CTNNA3: variants seen among roughly 807,000 people sequenced by gnomAD.
The protein encoded by CTNNA3 is catenin alpha-3.
Under a neutral mutation model 95.7 loss-of-function variants are expected in CTNNA3, and 76 were observed. The observed-to-expected ratio is 0.79, with a 90% CI of 0.66 to 0.96. CTNNA3 has a LOEUF of 0.96. Ranked by LOEUF, CTNNA3 falls within the 40% of genes least tolerant of loss-of-function variation. The pLI is 0.00. For missense variants in CTNNA3, 1,191 were observed against 1,089.8 expected (o/e 1.09, Z -1.31); for synonymous variants, 431 against 374.4 (o/e 1.15, Z -1.74).
intron 13 of CTNNA3, among the ~76,000 whole-genome samples, chr10:66,215,072 A>G: frequency 6.6e-6 from 1 of 152,092 alleles, no homozygotes; most frequent in East Asian, 1.9e-4. Flanking sequence ...AAAAAGGAAG[A>G]CTTGATTTCA....
At chr10:66,799,990 T>C (rs186104818) in intron 7 of CTNNA3, among the ~76,000 whole-genome samples, 93 of 150,850 alleles carry the variant, frequency 6.2e-4, no homozygotes, top group African/African-American at 2.2e-3. Context: ...CTTTCAAAAA[T>C]AAGAGAAAAA....
chr10:65,938,129 T>G (rs1248877419), intron 17 of CTNNA3, among the ~76,000 whole-genome samples: 2 of 152,182 alleles, frequency 1.3e-5, no homozygotes, highest in Non-Finnish European at 2.9e-5. Context: ...ATGTTGAAGC[T>G]GAGGGGAAAC....
intron 11 of CTNNA3, among the ~76,000 whole-genome samples, chr10:66,485,441 C>T (rs368307895): frequency 9.2e-5 from 14 of 151,952 alleles, no homozygotes; most frequent in Admixed American, 2.0e-4. Flanking sequence ...TGTTTCTCTA[C>T]GCTAACAGGG....
chr10:66,763,333 C>G (rs200899786), intron 9 of CTNNA3, among the ~76,000 whole-genome samples: 10,785 of 103,968 alleles, frequency 0.1, 532 homozygotes, highest in East Asian at 0.31. Flanking sequence ...CACACACACA[C>G]ACACACACAG....
chr10:67,447,658 C>T (rs1846806737), intron 5 of CTNNA3, among the ~76,000 whole-genome samples: 1 of 152,116 alleles, frequency 6.6e-6, no homozygotes, highest in South Asian at 2.1e-4. Flanking sequence ...GATCCCTGAC[C>T]ACCTTGTATC....
intron 10 of CTNNA3, among the ~76,000 whole-genome samples, chr10:66,570,451 G>A (rs1325035504): frequency 1.3e-5 from 2 of 151,980 alleles, no homozygotes; most frequent in African/African-American, 4.8e-5. Context: ...ACCACGCACA[G>A]CTAATTTTTT....
At chr10:67,072,841 T>C (rs1856542089) in intron 7 of CTNNA3, among the ~76,000 whole-genome samples, 1 of 150,464 alleles carries the variant, frequency 6.6e-6, no homozygotes, top group Non-Finnish European at 1.5e-5. Context: ...CCAAGTCCTT[T>C]TGTTTGTTTA....
intron 5 of CTNNA3, among the ~76,000 whole-genome samples, chr10:67,293,494 T>A (rs1402442694): frequency 6.6e-6 from 1 of 152,180 alleles, no homozygotes; most frequent in Non-Finnish European, 1.5e-5. Context: ...ATATTAAATT[T>A]TCTCCTCCTT....
intron 5 of CTNNA3, among the ~76,000 whole-genome samples, chr10:67,387,619 A>C (rs1427869558): frequency 6.6e-6 from 1 of 152,154 alleles, no homozygotes; most frequent in East Asian, 1.9e-4. Context: ...GCACAGACAA[A>C]CAAAAAGACA....
intron 1 of CTNNA3, among the ~76,000 whole-genome samples, chr10:67,733,293 T>C (rs768214717): frequency 4.0e-4 from 61 of 152,182 alleles, no homozygotes; most frequent in Non-Finnish European, 7.6e-4. Flanking sequence ...ATTCTTCCAG[T>C]TCATAAGGTT....
Position 67,180,431 on chromosome 10 carries a change from A to G in CTNNA3, c.933T>C (p.Ala311=). Residue 311 remains alanine, a synonymous_variant, in exon 7 of 18, where the codon GCT becomes GCC. Transcript: ENST00000433211. ...TACATGAAGAATCCGCCAGCAGAGC[A>G]GCCCCACTGATAATGGCTTCAAGGC... ...EKRLEAIISG[A]ALLADSSCTR... 6.2e-7 allele frequency: 1 copy of G among 1,613,912 alleles called. No homozygotes were observed. Among genetic ancestry groups the G allele is most frequent in the Non-Finnish European group, 8.5e-7 (1 of 1,179,862 alleles).
chr10:67,628,938 A>G (rs926564050), intron 2 of CTNNA3, among the ~76,000 whole-genome samples: 25 of 152,078 alleles, frequency 1.6e-4, no homozygotes, highest in African/African-American at 5.6e-4. Flanking sequence ...ACACTGACAA[A>G]TAAAGGTTTC....
intron 1 of CTNNA3, among the ~76,000 whole-genome samples, chr10:67,726,118 A>ATT (rs1293775789): frequency 2.6e-5 from 3 of 113,612 alleles, no homozygotes; most frequent in African/African-American, 1.1e-4. Flanking sequence ...ATTATATATT[A>ATT]TTATATTAGA....
At chr10:66,884,817 T>A (rs973822827) in intron 7 of CTNNA3, among the ~76,000 whole-genome samples, 1 of 152,110 alleles carries the variant, frequency 6.6e-6, no homozygotes, top group Non-Finnish European at 1.5e-5. Context: ...GATTCAATGA[T>A]GCATTAGAGT....
chr10:66,058,911 T>C (rs907639948), intron 15 of CTNNA3, among the ~76,000 whole-genome samples: 1 of 152,150 alleles, frequency 6.6e-6, no homozygotes, highest in Non-Finnish European at 1.5e-5. Context: ...CAAAACTTTT[T>C]AGAAAGTTGT....
intron 7 of CTNNA3, among the ~76,000 whole-genome samples, chr10:66,831,312 G>A (rs186673378): frequency 5.9e-5 from 9 of 152,148 alleles, no homozygotes; most frequent in Non-Finnish European, 1.0e-4. Flanking sequence ...CCCATTTCTG[G>A]CCCATCTTCC....
At chr10:66,201,822 C>T (rs112562733) in intron 13 of CTNNA3, among the ~76,000 whole-genome samples, 2,245 of 93,876 alleles carry the variant, frequency 0.024, 35 homozygotes, top group Non-Finnish European at 0.034. Context: ...GAGTTTCACT[C>T]TTGTTGCCCA....
chr10:67,569,747 A>G (rs1841923851), intron 3 of CTNNA3, among the ~76,000 whole-genome samples: 1 of 152,042 alleles, frequency 6.6e-6, no homozygotes. Flanking sequence ...GCTCAGGGGG[A>G]GGAATAAAAA....
At chr10:66,645,996 C>T (rs2394262) in intron 9 of CTNNA3, among the ~76,000 whole-genome samples, 100,807 of 152,088 alleles carry the variant, frequency 0.66, 34,300 homozygotes, top group East Asian at 0.95. Context: ...GAGTACTTTT[C>T]CCCACTTTAT....
Sources: allele counts gnomAD v4.1 joint callset (sites outside exome capture counted in the v4.1 genomes callset), GRCh38; gene constraint gnomAD v4.1.1; transcripts MANE v1.5; gene names NCBI Gene and HGNC (gene_info 2026-07-23, HGNC 2026-07-21).